Variants in CDC27 observed in about 807,000 individuals in gnomAD.
The protein encoded by CDC27 is cell division cycle 27, also known as cell division cycle protein 27 homolog.
Under a neutral mutation model 109.7 loss-of-function variants are expected in CDC27, and 27 were observed. That is an observed-to-expected ratio of 0.25 (90% CI 0.18 to 0.34). The LOEUF (loss-of-function observed/expected upper bound fraction) is 0.34. Ranked by LOEUF, CDC27 falls within the 10% of genes least tolerant of loss-of-function variation. The probability of loss-of-function intolerance (pLI) is 1.00; values close to 1 mark genes in which losing one functional copy is unlikely to be tolerated. For synonymous variants in CDC27, 266 were observed against 333.9 expected (o/e 0.80, Z 2.22); for missense variants, 579 against 960.2 (o/e 0.60, Z 5.25).
chr17:47,143,883 C>G lies in CDC27; in HGVS notation c.1170G>C (p.Lys390Asn). 7.1e-7 allele frequency: 1 copy of G among 1,412,842 alleles called. No homozygotes were observed. Among genetic ancestry groups the G allele is most frequent in the Non-Finnish European group, 9.4e-7 (1 of 1,065,568 alleles). The allele number at this position is 1,412,842 out of a possible 1,614,324, so 87.5% of individuals were successfully genotyped here. ...RLFTSDSSTT[K>N]ENSKKLKMKF... ...TGACATACAGAAATCTTTAAATTAC[C>G]TTGGTTGTGGAGCTGTCACTAGTAA... The change falls in exon 10 of 19, where the codon AAG becomes AAC. Residue 390 changes from lysine (K) to asparagine (N), a missense_variant and splice_region_variant. Around this residue, in one of 9 missense-constraint regions of CDC27, gnomAD observed 51 missense variants for 43.8 expected, o/e 1.16. Coordinates refer to ENST00000066544, the MANE Select transcript of CDC27 (RefSeq NM_001256.6).
In CDC27 at chr17:47,177,241, G is replaced by A. The variant is rs148694711; in HGVS notation, c.103+4321C>T. On this transcript the variant is annotated intron_variant, in intron 2 of 18. Transcript: ENST00000066544. ...TTTGAGGCCAGCATGGGCAACATAGGGAGATCTTGACTTAAAAAAAAATGT... is the reference window on the plus strand; with the variant it reads ...TTTGAGGCCAGCATGGGCAACATAGAGAGATCTTGACTTAAAAAAAAATGT... Among the ~76,000 whole-genome samples the A allele has an allele frequency of 2.1e-3, 312 of 152,120 alleles. 1 individual carries two copies. Among genetic ancestry groups the A allele is most frequent in the African/African-American group, 7.0e-3 (292 of 41,478 alleles).
intron 2 of CDC27, among the ~76,000 whole-genome samples, chr17:47,177,363 G>A (rs2064055551): frequency 6.6e-6 from 1 of 152,202 alleles, no homozygotes; most frequent in Non-Finnish European, 1.5e-5. Context: ...GATCACTTGA[G>A]GCTAGGAGTT....
intron 18 of CDC27, among the ~76,000 whole-genome samples, chr17:47,121,726 C>T (rs978689411): frequency 6.7e-6 from 1 of 148,458 alleles, no homozygotes; most frequent in Non-Finnish European, 1.5e-5. Flanking sequence ...AGCCATCATG[C>T]CTGGCATATA....
In CDC27 at chr17:47,169,900, G is replaced by T; in HGVS notation, c.377+17C>A. 1 of 1,554,016 alleles carries T rather than the reference G, an allele frequency of 6.4e-7. No homozygotes were observed. The highest frequency in any genetic ancestry group is 1.2e-5 in the South Asian group (1 of 81,316). ...TATGGAAATGCTTTTCTGACAGTTT[G>T]AATCATTCTTACTTACCAATATACA... is the stretch of plus-strand genomic sequence containing the variant. On this transcript the variant is annotated intron_variant, in intron 4 of 18. Coordinates refer to ENST00000066544, the MANE Select transcript of CDC27 (RefSeq NM_001256.6).
rs188569226 is a variant in CDC27, at chr17:47,126,049, C to T, written c.2161-2089G>A. Among the ~76,000 whole-genome samples the T allele has an allele frequency of 4.8e-4, 73 of 152,254 alleles. No individual in the cohort carries two copies. In the East Asian group the frequency reaches 0.013, roughly 27 times the overall value. ...AATAGTGTCTCACATAGCATCAGAG[C>T]TCTTACTTTTACCTTAAAGACTTAA... On this transcript the variant is annotated intron_variant, in intron 16 of 18. Transcript: ENST00000066544.
rs1340054348 is a variant in CDC27, at chr17:47,170,124, A to G, written c.252-82T>C. ...AACATATTCTTCATTACCAAAGTGC[A>G]TCTAACTATGGAGACACAAATTTTT... On this transcript the variant is annotated intron_variant, in intron 3 of 18. Coordinates refer to ENST00000066544, the MANE Select transcript of CDC27 (RefSeq NM_001256.6). 5 of 1,121,352 alleles carry G rather than the reference A, an allele frequency of 4.5e-6. No homozygotes were observed. The South Asian group carries it at 6.0e-5, about 14-fold the overall frequency. The allele number at this position is 1,121,352 out of a possible 1,614,324, so 69.5% of individuals were successfully genotyped here. A position where few individuals can be genotyped will look rare whatever the true frequency, so the allele number is the denominator to read the frequency against.
intron 1 of CDC27, among the ~76,000 whole-genome samples, chr17:47,184,809 A>G (rs1375048758): frequency 6.6e-6 from 1 of 152,246 alleles, no homozygotes; most frequent in African/African-American, 2.4e-5. Context: ...ACAGATTAGT[A>G]GCTGATGATG....
At position 47,162,616 on chromosome 17, in the gene CDC27, A is replaced by T. The variant is rs143181804; in HGVS notation, c.378-4313T>A. 3.3e-3 allele frequency among the ~76,000 whole-genome samples: 505 copies of T among 152,360 alleles called. 1 individual carries two copies. Among genetic ancestry groups the T allele is most frequent in the Middle Eastern group, 6.8e-3 (2 of 294 alleles). ...ACATGGCCAGAAAGGAAGTAGACAAACATTGATTAAGCAAAGACAAAATAA... is the reference window on the plus strand; with the variant it reads ...ACATGGCCAGAAAGGAAGTAGACAATCATTGATTAAGCAAAGACAAAATAA... On this transcript the variant is annotated intron_variant, in intron 4 of 18. Coordinates refer to ENST00000066544, the MANE Select transcript of CDC27 (RefSeq NM_001256.6).
At chr17:47,177,067 G>A (rs928483323) in intron 2 of CDC27, among the ~76,000 whole-genome samples, 8 of 152,068 alleles carry the variant, frequency 5.3e-5, no homozygotes, top group East Asian at 3.9e-4. Context: ...TGATACACCC[G>A]ATGCAATCTA....
At chr17:47,175,121 GTTCCTC>G (rs2063958451) in intron 2 of CDC27, among the ~76,000 whole-genome samples, 1 of 151,702 alleles carries the variant, frequency 6.6e-6, no homozygotes, top group Non-Finnish European at 1.5e-5. Flanking sequence ...CACTACTGAA[GTTCCTC>G]TTCTTACAAA....
chr17:47,168,084 T>A (rs2063702446), intron 4 of CDC27, among the ~76,000 whole-genome samples: 1 of 152,164 alleles, frequency 6.6e-6, no homozygotes, highest in Non-Finnish European at 1.5e-5. Context: ...TGTGTTCAGT[T>A]TTCTGGAAGC....
intron 4 of CDC27, among the ~76,000 whole-genome samples, chr17:47,163,458 T>A (rs2063554761): frequency 6.6e-6 from 1 of 152,160 alleles, no homozygotes; most frequent in South Asian, 2.1e-4. Context: ...CCCAGCACTT[T>A]GGGAGGCTGA....
intron 4 of CDC27, among the ~76,000 whole-genome samples, chr17:47,162,783 G>C (rs1183828454): frequency 6.6e-6 from 1 of 152,076 alleles, no homozygotes; most frequent in Non-Finnish European, 1.5e-5. Context: ...AAGTTGGCAA[G>C]GCTGATTTTT....
intron 1 of CDC27, among the ~76,000 whole-genome samples, chr17:47,184,748 T>A (rs1479650917): frequency 6.6e-6 from 1 of 152,176 alleles, no homozygotes; most frequent in Non-Finnish European, 1.5e-5. Flanking sequence ...TGACTAACAG[T>A]GTCTCTTGTG....
chr17:47,125,151 C>T (rs931726401), intron 16 of CDC27, among the ~76,000 whole-genome samples: 7 of 151,698 alleles, frequency 4.6e-5, no homozygotes, highest in African/African-American at 1.7e-4. Context: ...AACTCCTGAC[C>T]TCAGGTGATC....
At chr17:47,162,500 GT>G (rs1215895500) in intron 4 of CDC27, among the ~76,000 whole-genome samples, 1 of 151,948 alleles carries the variant, frequency 6.6e-6, no homozygotes, top group Non-Finnish European at 1.5e-5. Flanking sequence ...AAGTAGCCCC[GT>G]CCCCTTGCTT....
At chr17:47,130,054 G>T (rs1418777300) in intron 15 of CDC27, among the ~76,000 whole-genome samples, 2 of 152,048 alleles carry the variant, frequency 1.3e-5, no homozygotes, top group South Asian at 2.1e-4. Flanking sequence ...AATATTTTAG[G>T]AATTTATTTG....
intron 2 of CDC27, among the ~76,000 whole-genome samples, chr17:47,175,456 G>A (rs897627155): frequency 6.6e-6 from 1 of 152,134 alleles, no homozygotes; most frequent in African/African-American, 2.4e-5. Context: ...CATGAACTCT[G>A]ATGTTGTGTG....
intron 4 of CDC27, among the ~76,000 whole-genome samples, chr17:47,163,427 G>A (rs2063553568): frequency 6.6e-6 from 1 of 152,154 alleles, no homozygotes; most frequent in Admixed American, 6.5e-5. Context: ...TTGGCTGGGT[G>A]CTGTGGCTCA....
Sources: allele counts gnomAD v4.1 joint callset (sites outside exome capture counted in the v4.1 genomes callset), GRCh38; gene constraint gnomAD v4.1.1; regional missense constraint gnomAD v4.1.1; transcripts MANE v1.5; gene names NCBI Gene and HGNC (gene_info 2026-07-23, HGNC 2026-07-21).